The following DLEU7 variants were observed in gnomAD, a reference collection of about 807,000 sequenced individuals.
DLEU7 encodes deleted in lymphocytic leukemia 7.
A neutral mutation model predicts 16.0 loss-of-function variants in DLEU7; 17 were observed. The ratio of observed to expected loss-of-function variants is 1.06; its 90% confidence interval spans 0.73 to 1.59. The LOEUF (loss-of-function observed/expected upper bound fraction) is 1.59. Among genes scored for constraint, DLEU7 ranks in the 40% most tolerant of loss-of-function variants. The pLI, the probability that DLEU7 is intolerant of heterozygous loss-of-function variation, is 0.00. For synonymous variants in DLEU7, 113 were observed against 139.8 expected (o/e 0.81, Z 1.35); for missense variants, 308 against 314.9 (o/e 0.98, Z 0.17).
chr13:50,814,373 C>G (rs1274670550), intron 1 of DLEU7, among the ~76,000 whole-genome samples: 4 of 152,058 alleles, frequency 2.6e-5, no homozygotes, highest in African/African-American at 9.7e-5. Context: ...GCCGTCCACT[C>G]ACTCACTCAT....
intron 1 of DLEU7, among the ~76,000 whole-genome samples, chr13:50,789,279 G>T (rs941921120): frequency 6.6e-6 from 1 of 150,508 alleles, no homozygotes; most frequent in African/African-American, 2.5e-5. Flanking sequence ...TCTTATGTTG[G>T]TTCTGCTGCT....
At chr13:50,753,844 C>T (rs1874670497) in intron 1 of DLEU7, among the ~76,000 whole-genome samples, 1 of 152,236 alleles carries the variant, frequency 6.6e-6, no homozygotes, top group Admixed American at 6.5e-5. Context: ...GCTGCAAGGG[C>T]TGCCAGCACA....
Position 50,783,874 on chromosome 13 carries a change from G to A in DLEU7, c.459+59314C>T, listed in dbSNP as rs73495626. Among the ~76,000 whole-genome samples, 8 of 152,106 alleles carry A rather than the reference G, an allele frequency of 5.3e-5. No homozygotes were observed. The East Asian group carries it at 1.4e-3, about 26-fold the overall frequency. On this transcript the variant is annotated intron_variant, in intron 1 of 1. Transcript: ENST00000400393. ...CTCTCCCCATGCTGGCCCATACCAC[G>A]CCCAAAGGAACACATATAGAGATAT...
intron 1 of DLEU7, chr13:50,808,843 A>G (rs1876475837): frequency 1.3e-5 from 2 of 152,000 alleles, no homozygotes; most frequent in African/African-American, 4.8e-5. Flanking sequence ...TTTTCTGTAA[A>G]ATCATGAGTT....
At chr13:50,719,437 T>C (rs1593526205) in intron 1 of DLEU7, among the ~76,000 whole-genome samples, 1 of 152,218 alleles carries the variant, frequency 6.6e-6, no homozygotes, top group African/African-American at 2.4e-5. Flanking sequence ...AGTAAGGTTT[T>C]CAATTAATTA....
intron 1 of DLEU7, among the ~76,000 whole-genome samples, chr13:50,811,378 T>C (rs1876561234): frequency 6.6e-6 from 1 of 152,100 alleles, no homozygotes. Context: ...CAAGGAGTCC[T>C]CAGGCCTCCA....
intron 1 of DLEU7, among the ~76,000 whole-genome samples, chr13:50,742,121 C>T (rs1874266752): frequency 6.6e-6 from 1 of 151,766 alleles, no homozygotes. Flanking sequence ...ATTGCTTGTC[C>T]CAGAATGGGA....
chr13:50,788,413 A>G (rs1875855113), intron 1 of DLEU7, among the ~76,000 whole-genome samples: 1 of 152,188 alleles, frequency 6.6e-6, no homozygotes, highest in African/African-American at 2.4e-5. Context: ...GAAAACACTG[A>G]CGAATAATAC....
intron 1 of DLEU7, among the ~76,000 whole-genome samples, chr13:50,801,646 T>C (rs1876251489): frequency 6.6e-6 from 1 of 152,078 alleles, no homozygotes; most frequent in African/African-American, 2.4e-5. Context: ...GATTTTAAAT[T>C]ACCTTCCAAG....
At chr13:50,814,530 G>A (rs747044564) in intron 1 of DLEU7, among the ~76,000 whole-genome samples, 8 of 151,708 alleles carry the variant, frequency 5.3e-5, no homozygotes, top group Admixed American at 6.6e-5. Context: ...CAATCCAATT[G>A]TAAGTAATGA....
upstream of DLEU7, chr13:50,843,749 C>T: frequency 1.4e-6 from 2 of 1,427,152 alleles, no homozygotes; most frequent in Admixed American, 2.9e-5. The surrounding 1 kb of genome is among the most constrained non-coding windows in gnomAD (Gnocchi z 5.7). Flanking sequence ...ACCCGCGGCT[C>T]CTCGGCCTCT....
chr13:50,793,003 T>C (rs1307014924), intron 1 of DLEU7, among the ~76,000 whole-genome samples: 1 of 152,124 alleles, frequency 6.6e-6, no homozygotes, highest in Admixed American at 6.6e-5. Context: ...CCACAGGTAG[T>C]TTTTTTCAAC....
chr13:50,810,185 G>GAAA (rs5803535), intron 1 of DLEU7, among the ~76,000 whole-genome samples: 5 of 129,986 alleles, frequency 3.8e-5, no homozygotes, highest in African/African-American at 1.4e-4. Flanking sequence ...AGAAATTCTG[G>GAAA]AAAAAAAAAA....
chr13:50,730,689 A>G (rs1455466470), intron 1 of DLEU7, among the ~76,000 whole-genome samples: 1 of 152,110 alleles, frequency 6.6e-6, no homozygotes, highest in African/African-American at 2.4e-5. Context: ...GCAGGCAGAA[A>G]AGGCATTTTA....
intron 1 of DLEU7, among the ~76,000 whole-genome samples, chr13:50,824,793 C>T (rs777324863): frequency 2.6e-5 from 4 of 152,232 alleles, no homozygotes; most frequent in South Asian, 2.1e-4. Flanking sequence ...TCCAGGGAAA[C>T]GTGTCTGCAA....
intron 1 of DLEU7, among the ~76,000 whole-genome samples, chr13:50,768,174 T>C (rs768478068): frequency 2.6e-5 from 4 of 152,204 alleles, no homozygotes; most frequent in Admixed American, 6.5e-5. Context: ...CAACAAATAC[T>C]CTCAGGTTTT....
At chr13:50,760,902 G>C (rs186681725) in intron 1 of DLEU7, among the ~76,000 whole-genome samples, 16 of 152,256 alleles carry the variant, frequency 1.1e-4, no homozygotes, top group African/African-American at 3.8e-4. Flanking sequence ...GGCAGTCAGA[G>C]TGGGGCCTAT....
At chr13:50,798,826 C>T (rs990087945) in intron 1 of DLEU7, among the ~76,000 whole-genome samples, 4 of 152,198 alleles carry the variant, frequency 2.6e-5, no homozygotes, top group Non-Finnish European at 4.4e-5. Flanking sequence ...CTGGAGCCTT[C>T]TGTATTCTGG....
intron 1 of DLEU7, among the ~76,000 whole-genome samples, chr13:50,823,999 A>G (rs775457882): frequency 6.6e-6 from 1 of 152,210 alleles, no homozygotes; most frequent in Non-Finnish European, 1.5e-5. Flanking sequence ...TTTTTTGGCC[A>G]TCTGGGTCAA....
Sources: allele counts gnomAD v4.1 joint callset (sites outside exome capture counted in the v4.1 genomes callset), GRCh38; gene constraint gnomAD v4.1.1; non-coding constraint Gnocchi (gnomAD v3.1); transcripts MANE v1.5; gene names NCBI Gene and HGNC (gene_info 2026-07-23, HGNC 2026-07-21).